Variants in IL4I1 observed in about 807,000 individuals in gnomAD.
IL4I1 encodes L-amino-acid oxidase.
In IL4I1, 24 loss-of-function variants were observed where a neutral mutation model predicts 29.7. That is an observed-to-expected ratio of 0.81 (90% CI 0.59 to 1.14). IL4I1 has a LOEUF of 1.14. Among genes scored for constraint, IL4I1 ranks in the 50% most tolerant of loss-of-function variants. IL4I1 has a pLI of 0.00. For synonymous variants in IL4I1, 371 were observed against 352.5 expected (o/e 1.05, Z -0.59); for missense variants, 686 against 785.6 (o/e 0.87, Z 1.52).
In IL4I1 at chr19:49,908,413, G is replaced by A. The variant is rs376266072; in HGVS notation, c.-227-4092C>T. Reference sequence around the variant, plus strand: ...TCTGCTGCAGTGGGTCACTGGTGTCGGCGGGGGCCCCGGACGTGTTCAGGT... The same window carrying A: ...TCTGCTGCAGTGGGTCACTGGTGTCAGCGGGGGCCCCGGACGTGTTCAGGT... On this transcript the variant is annotated intron_variant, in intron 2 of 9. Coordinates refer to the IL4I1 transcript ENST00000341114. 24 of 1,614,048 alleles carry A rather than the reference G, an allele frequency of 1.5e-5. 1 individual carries two copies. The highest frequency in any genetic ancestry group is 3.3e-4 in the Middle Eastern group (2 of 6,084).
intron 3 of IL4I1, among the ~76,000 whole-genome samples, chr19:49,895,502 C>T (rs1039536374): frequency 1.3e-4 from 20 of 152,184 alleles, no homozygotes; most frequent in African/African-American, 4.3e-4. Flanking sequence ...GGTTAGACCT[C>T]AGGGCACACA....
rs748658204 is a variant in IL4I1, at chr19:49,909,777, C to A, written c.-227-5456G>T. ...CCAAACGTGAACCCGCCTGTAGGGGCCCCAGTGCCTCCAAAATTAAACCCG... is the reference window on the plus strand; with the variant it reads ...CCAAACGTGAACCCGCCTGTAGGGGACCCAGTGCCTCCAAAATTAAACCCG... On this transcript the variant is annotated intron_variant, in intron 2 of 9. Coordinates refer to the IL4I1 transcript ENST00000341114. 1.9e-6 allele frequency: 3 copies of A among 1,614,020 alleles called. No individual in the cohort carries two copies. Among genetic ancestry groups the A allele is most frequent in the Non-Finnish European group, 2.5e-6 (3 of 1,180,036 alleles).
rs755215764 is a variant in IL4I1, at chr19:49,890,301, CT to C, written c.1072del (p.Ser358AlafsTer25). ...HYVPATKVFLSFRRPFWREEH... is the reference protein window; with the variant it reads ...HYVPATKVFLXFRRPFWREEH... The stretch of plus-strand genomic sequence containing the variant: ...CTCGCGCCAGAAGGGCCTGCGGAAG[CT>C]TAGGAACACCTTGGTGGCCGGCACG... On this transcript the variant is annotated frameshift_variant, in exon 8 of 8. Transcript: ENST00000391826. LOFTEE classifies it low-confidence loss of function (END_TRUNC). 370 of 1,605,526 alleles carry C rather than the reference CT, an allele frequency of 2.3e-4. 1 individual carries two copies. The highest frequency in any genetic ancestry group is 3.1e-4 in the Non-Finnish European group (361 of 1,176,914).
chr19:49,914,726 GTTTTTTTTTTT>G (rs530372497), intron 2 of IL4I1, among the ~76,000 whole-genome samples: 604 of 56,390 alleles, frequency 0.011, 6 homozygotes, highest in African/African-American at 0.027. Flanking sequence ...CCAAGTCCCA[GTTTTTTTTTTT>G]TTTTTTTTTT....
chr19:49,899,146 C>T (rs1388486521), upstream of IL4I1, among the ~76,000 whole-genome samples: 1 of 152,218 alleles, frequency 6.6e-6, no homozygotes, highest in Non-Finnish European at 1.5e-5. Context: ...GGCCCCAGGT[C>T]CCCGGCCCCT....
intron 2 of IL4I1, chr19:49,909,567 G>A (rs769329000): frequency 1.2e-6 from 2 of 1,614,064 alleles, no homozygotes; most frequent in Non-Finnish European, 1.7e-6. Flanking sequence ...CCCGAAGCAA[G>A]AGTCGCTGTT....
Position 49,890,968 on chromosome 19 carries a change from T to G in IL4I1, c.773+3A>C. 1 of 602,296 alleles carries G rather than the reference T, an allele frequency of 1.7e-6. No homozygotes were observed. The highest frequency in any genetic ancestry group is 2.2e-6 in the Non-Finnish European group (1 of 455,464). The allele number at this position is 602,296 out of a possible 1,614,324, so 37.3% of individuals were successfully genotyped here. On this transcript the variant is annotated splice_donor_region_variant and intron_variant, in intron 7 of 7. Coordinates refer to ENST00000391826, the MANE Select transcript of IL4I1 (RefSeq NM_152899.2). ...CCCCCTGCCCGCCAGCCCCGCCCCTTACTGGAGTCTGTCGCTGAGGCAGCT... is the reference window on the plus strand; with the variant it reads ...CCCCCTGCCCGCCAGCCCCGCCCCTGACTGGAGTCTGTCGCTGAGGCAGCT...
At chr19:49,892,841 G>A (rs1310278775) in intron 5 of IL4I1, among the ~76,000 whole-genome samples, 3 of 152,178 alleles carry the variant, frequency 2.0e-5, no homozygotes, top group African/African-American at 7.2e-5. Context: ...GGGGAGATGG[G>A]CAAGTGGGCT....
At chr19:49,919,432 G>A (rs2075710468) in intron 2 of IL4I1, among the ~76,000 whole-genome samples, 5 of 152,176 alleles carry the variant, frequency 3.3e-5, no homozygotes, top group Admixed American at 3.3e-4. Context: ...GTTTTAAGCA[G>A]GCTTATTCTC....
intron 2 of IL4I1, among the ~76,000 whole-genome samples, chr19:49,925,032 C>T (rs1600562642): frequency 6.6e-6 from 1 of 152,114 alleles, no homozygotes; most frequent in African/African-American, 2.4e-5. Flanking sequence ...GAGGCTGAGG[C>T]GGGTGGATCG....
At chr19:49,890,833 C>T (rs1018625647) in intron 7 of IL4I1, 138 bp downstream of exon 7, 3 of 837,432 alleles carry the variant, frequency 3.6e-6, no homozygotes, top group East Asian at 2.7e-5. Context: ...ATCTGGGAAC[C>T]CTTAGCCCCG....
chr19:49,890,943 C>CT (rs765514611), intron 7 of IL4I1, 28 bp downstream of exon 7: 4 of 591,146 alleles, frequency 6.8e-6, no homozygotes, highest in East Asian at 3.4e-5. Flanking sequence ...CCCGCCCCCC[C>CT]CCCCTGCCCG....
intron 2 of IL4I1, among the ~76,000 whole-genome samples, chr19:49,916,310 T>A (rs1302292692): frequency 6.6e-6 from 1 of 151,020 alleles, no homozygotes; most frequent in Non-Finnish European, 1.5e-5. Context: ...TCACCTGAGG[T>A]CAGGAGTTCG....
At chr19:49,907,273 G>C (rs1031282729) in intron 2 of IL4I1, 3 of 296,118 alleles carry the variant, frequency 1.0e-5, no homozygotes, top group African/African-American at 2.3e-5. Flanking sequence ...CTGAGCTTCG[G>C]GTAGCTGGGA....
chr19:49,890,035 C>T lies in IL4I1; in HGVS notation c.1339G>A (p.Asp447Asn). 1.9e-6 allele frequency: 3 copies of T among 1,551,556 alleles called. No homozygotes were observed. Among genetic ancestry groups the T allele is most frequent in the Non-Finnish European group, 2.6e-6 (3 of 1,147,690 alleles). The part of the protein sequence containing the change: ...GTGVVKRWAE[D>N]QHSQGGFVVQ... ...ACAAAGCCACCCTGGCTGTGCTGGT[C>T]CTCCGCCCAACGCTTGACGACGCCG... The change falls in exon 8 of 8, where the codon GAC becomes AAC. Residue 447 changes from aspartate to asparagine, a missense_variant. Transcript: ENST00000391826.
rs1440537498 is a variant in IL4I1 at position 49,889,705 on chromosome 19, G to A, written c.1669C>T (p.Leu557Phe). 1 of 1,509,274 alleles carries A rather than the reference G, an allele frequency of 6.6e-7. No individual in the cohort carries two copies. The highest frequency in any genetic ancestry group is 1.4e-5 in the African/African-American group (1 of 71,602). The allele number at this position is 1,509,274 out of a possible 1,614,324, so 93.5% of individuals were successfully genotyped here. A position where few individuals can be genotyped will look rare whatever the true frequency, so the allele number is the denominator to read the frequency against. The change falls in exon 8 of 8, where the codon CTC (leucine) becomes TTC (phenylalanine). Residue 557 changes from leucine (L) to phenylalanine (F), a missense_variant. By Grantham distance (22) the Leu-to-Phe change is conservative. Transcript: ENST00000391826. ...GTCCTCGTGTGGGTCGTGTTTTGGAGAGATAACTGGCCTTGGACTGGAGGG... is the reference window on the plus strand; with the variant it reads ...GTCCTCGTGTGGGTCGTGTTTTGGAAAGATAACTGGCCTTGGACTGGAGGG... ...SHPPVQGQLS[L>F]QNTTHTRTSH is the part of the protein sequence containing the mutation.
At chr19:49,904,693 C>T (rs770448510) in intron 2 of IL4I1, among the ~76,000 whole-genome samples, 5 of 151,700 alleles carry the variant, frequency 3.3e-5, no homozygotes, top group African/African-American at 7.3e-5. Flanking sequence ...CCCACCACCA[C>T]GCCGGGCTAA....
chr19:49,890,936 GCCCCCC>G, intron 7 of IL4I1, 29 bp downstream of exon 7: 1 of 307,918 alleles, frequency 3.2e-6, no homozygotes. Flanking sequence ...ATTGCCCCCC[GCCCCCC>G]CCCCCTGCCC....
At chr19:49,919,809 A>AAGAAT (rs5828421) in intron 2 of IL4I1, among the ~76,000 whole-genome samples, 122,961 of 151,760 alleles carry the variant, frequency 0.81, 50,114 homozygotes, top group East Asian at 0.96. Context: ...CTTAATATAA[A>AAGAAT]AGGACTGGAA....
Sources: gnomAD v4.1 joint callset for allele counts (sites outside exome capture counted in the v4.1 genomes callset) on GRCh38, gnomAD v4.1.1 for gene constraint, MANE v1.5 for transcripts, NCBI Gene and HGNC (gene_info 2026-07-23, HGNC 2026-07-21) for gene names.